Variants in STARD13 observed in about 807,000 individuals in gnomAD.
STARD13 encodes the protein StAR related lipid transfer domain containing 13, also known as stAR-related lipid transfer protein 13.
A neutral mutation model predicts 106.4 loss-of-function variants in STARD13; 62 were observed. That is an observed-to-expected ratio of 0.58 (90% confidence interval 0.48 to 0.72). The LOEUF is 0.72. STARD13 is among the 30% of genes least tolerant of loss of function. The pLI, the probability that STARD13 is intolerant of heterozygous loss-of-function variation, is 0.00. For missense variants in STARD13, 1,387 were observed against 1,424.0 expected, an observed-to-expected ratio of 0.97 and a Z score of 0.42; for synonymous variants, 565 against 553.0, an observed-to-expected ratio of 1.02 and a Z score of -0.31.
At chr13:33,427,298 T>C in the STARD13 span, among the ~76,000 whole-genome samples, 1 of 152,214 alleles carries the variant, frequency 6.6e-6, no homozygotes, top group Admixed American at 6.5e-5. Flanking sequence ...CCATATTTTC[T>C]GCCTCCAAAA....
chr13:33,288,550 C>T (rs1892164922), upstream of STARD13, among the ~76,000 whole-genome samples: 1 of 151,446 alleles, frequency 6.6e-6, no homozygotes, highest in South Asian at 2.1e-4. Flanking sequence ...GGTAGGATTA[C>T]AGGCGTGACC....
At chr13:33,662,680 G>A in the STARD13 span, among the ~76,000 whole-genome samples, 3 of 152,166 alleles carry the variant, frequency 2.0e-5, no homozygotes, top group Admixed American at 6.5e-5. Flanking sequence ...CAAATCTGTG[G>A]GAGCAGGGAG....
intron 1 of STARD13, among the ~76,000 whole-genome samples, chr13:33,197,313 G>A (rs1345382180): frequency 6.6e-6 from 1 of 152,112 alleles, no homozygotes; most frequent in African/African-American, 2.4e-5. Flanking sequence ...TAAGCGTACT[G>A]GTTGAAAACT....
chr13:33,142,506 C>A (rs1879969128), intron 3 of STARD13, 133 bp from the exon 4 acceptor site: 2 of 757,852 alleles, frequency 2.6e-6, no homozygotes, highest in Middle Eastern at 2.9e-4. Context: ...CAGTACTGCA[C>A]CCACAGAAGG....
intron 8 of STARD13, among the ~76,000 whole-genome samples, chr13:33,116,499 C>T (rs115190111): frequency 3.0e-4 from 45 of 152,308 alleles, no homozygotes; most frequent in African/African-American, 9.4e-4. Context: ...ACAGAAGTCA[C>T]GCTCTGTAAA....
intron 1 of STARD13, among the ~76,000 whole-genome samples, chr13:33,321,507 GA>G (rs552088112): frequency 2.1e-3 from 275 of 133,630 alleles, no homozygotes; most frequent in Middle Eastern, 3.8e-3. Context: ...CCGTCTCAGG[GA>G]AAAAAAAAAA....
the STARD13 span, among the ~76,000 whole-genome samples, chr13:33,660,526 G>T: frequency 6.6e-6 from 1 of 152,144 alleles, no homozygotes; most frequent in Non-Finnish European, 1.5e-5. Context: ...TTTGGGGGTG[G>T]TTCTCTCTGT....
At chr13:33,221,117 T>G (rs998442517) in intron 1 of STARD13, among the ~76,000 whole-genome samples, 6 of 152,152 alleles carry the variant, frequency 3.9e-5, no homozygotes, top group Admixed American at 1.3e-4. Flanking sequence ...TAACAAAAAT[T>G]GTACCATGTT....
At chr13:33,122,271 C>A (rs1466563148) in intron 7 of STARD13, among the ~76,000 whole-genome samples, 1 of 152,198 alleles carries the variant, frequency 6.6e-6, no homozygotes, top group East Asian at 1.9e-4. Flanking sequence ...TGTGAGCCAC[C>A]ATACCTGCCC....
At chr13:33,348,957 T>A in exon 2 of STARD13, 1 of 584,586 alleles carries the variant, frequency 1.7e-6, no homozygotes, top group Non-Finnish European at 3.1e-6. Context: ...TGACCTTCTC[T>A]CAAGGTGCTA....
chr13:33,331,526 A>ATTTTTTTTTTTTTTT (rs35827468), intron 1 of STARD13, among the ~76,000 whole-genome samples: 3 of 130,822 alleles, frequency 2.3e-5, no homozygotes, highest in Admixed American at 7.8e-5. Flanking sequence ...CTGATTTTGT[A>ATTTTTTTTTTTTTTT]TTTTTTTTTT....
chr13:33,119,608 A>G (rs555191238), intron 7 of STARD13, among the ~76,000 whole-genome samples: 2 of 152,334 alleles, frequency 1.3e-5, no homozygotes, highest in South Asian at 4.1e-4. Context: ...AGGTTTTTGT[A>G]TATGTCAGCC....
At chr13:33,412,154 C>A in the STARD13 span, among the ~76,000 whole-genome samples, 2 of 151,982 alleles carry the variant, frequency 1.3e-5, no homozygotes, top group Non-Finnish European at 2.9e-5. Context: ...TATTTAAGTT[C>A]TAAATGTAAA....
chr13:33,521,399 GAAGT>G, the STARD13 span, among the ~76,000 whole-genome samples: 1 of 152,218 alleles, frequency 6.6e-6, no homozygotes, highest in East Asian at 1.9e-4. Context: ...GAAAGAATTA[GAAGT>G]GAGTTGACTC....
chr13:33,158,594 A>G (rs1882255536), intron 3 of STARD13: 1 of 152,210 alleles, frequency 6.6e-6, no homozygotes, highest in Admixed American at 6.5e-5. Context: ...AAAACAAGAG[A>G]CCAGCTCCAT....
At chr13:33,183,418 T>C (rs553111287) in intron 1 of STARD13, among the ~76,000 whole-genome samples, 131 of 152,352 alleles carry the variant, frequency 8.6e-4, no homozygotes, top group African/African-American at 2.8e-3. Context: ...CAAAGATCTT[T>C]GGCAAAGGAA....
At chr13:33,546,755 TG>T in the STARD13 span, among the ~76,000 whole-genome samples, 23 of 152,254 alleles carry the variant, frequency 1.5e-4, no homozygotes, top group South Asian at 4.4e-3. Flanking sequence ...GTGATTCTCC[TG>T]CCTCAGCTTC....
chr13:33,242,696 CTAT>C (rs1889591333), intron 1 of STARD13, among the ~76,000 whole-genome samples: 1 of 151,908 alleles, frequency 6.6e-6, no homozygotes. Context: ...CACTATTGTC[CTAT>C]GACCCTGCCA....
At chr13:33,357,968 GGAGGTGTGGAGGGA>G in the STARD13 span, among the ~76,000 whole-genome samples, 2 of 152,334 alleles carry the variant, frequency 1.3e-5, no homozygotes, top group African/African-American at 4.8e-5. Context: ...CAGCTTGCAG[GGAGGTGTGGAGGGA>G]GAGGCACGAG....
Sources: allele counts gnomAD v4.1 joint callset (sites outside exome capture counted in the v4.1 genomes callset), GRCh38; gene constraint gnomAD v4.1.1; transcripts MANE v1.5; gene names NCBI Gene and HGNC (gene_info 2026-07-23, HGNC 2026-07-21).